Variants in SYN2 observed in about 807,000 individuals in gnomAD.
The protein encoded by SYN2 is synapsin II.
SYN2 carries 19 observed loss-of-function variants against 50.9 expected under a neutral mutation model. The observed-to-expected ratio is 0.37, with a 90% confidence interval of 0.26 to 0.55. The LOEUF (loss-of-function observed/expected upper bound fraction) is 0.55, where lower values mean the gene tolerates loss of function less well. SYN2 is among the 20% of genes least tolerant of loss of function. The probability of loss-of-function intolerance (pLI) is 0.81; values close to 1 mark genes in which losing one functional copy is unlikely to be tolerated. For missense variants in SYN2, 587 were observed against 576.4 expected, an observed-to-expected ratio of 1.02 and a Z score of -0.19; for synonymous variants, 255 against 224.9, an observed-to-expected ratio of 1.13 and a Z score of -1.20.
intron 1 of SYN2, among the ~76,000 whole-genome samples, chr3:12,110,899 T>C (rs946674656): frequency 6.6e-6 from 1 of 152,214 alleles, no homozygotes; most frequent in African/African-American, 2.4e-5. Flanking sequence ...TTTTATAGGC[T>C]CCTAGCCAGA....
Position 12,163,257 on chromosome 3 carries a change from A to G in SYN2, c.980+1103A>G, listed in dbSNP as rs537322533. Reference sequence around the variant, plus strand: ...ACTCTGTCTCAAAAAAAAAAAAAAAAAGAGAAAAAGTTTACAGTGGTGTTT... The same window carrying G: ...ACTCTGTCTCAAAAAAAAAAAAAAAGAGAGAAAAAGTTTACAGTGGTGTTT... On this transcript the variant is annotated intron_variant, in intron 7 of 12. Transcript: ENST00000621198. Among the ~76,000 whole-genome samples the G allele has an allele frequency of 2.0e-3, 302 of 151,552 alleles. 1 individual carries two copies. The highest frequency in any genetic ancestry group is 6.8e-3 in the African/African-American group (283 of 41,328).
intron 1 of SYN2, among the ~76,000 whole-genome samples, chr3:12,016,826 A>T (rs1694037892): frequency 6.6e-6 from 1 of 152,190 alleles, no homozygotes; most frequent in Admixed American, 6.5e-5. Flanking sequence ...ACTGCACTCC[A>T]GCCTGGGTGA....
chr3:12,007,963 T>A (rs2618387), intron 1 of SYN2, among the ~76,000 whole-genome samples: 130,735 of 152,270 alleles, frequency 0.86, 56,255 homozygotes, highest in East Asian at 0.97. Context: ...CCATTAAAAA[T>A]TGAAATCAAG....
intron 1 of SYN2, among the ~76,000 whole-genome samples, chr3:12,100,702 AT>A (rs1264430470): frequency 6.6e-6 from 1 of 152,168 alleles, no homozygotes; most frequent in Non-Finnish European, 1.5e-5. Context: ...ATGGGAAAAA[AT>A]ATTTGCAAAT....
Position 12,181,211 on chromosome 3 carries a change from C to A in SYN2, c.1309-2101C>A, listed in dbSNP as rs1698212593. Among the ~76,000 whole-genome samples the A allele has an allele frequency of 2.6e-5, 4 of 152,200 alleles. No homozygotes were observed. In the South Asian group the frequency reaches 8.3e-4, roughly 31 times the overall value. On this transcript the variant is annotated intron_variant, in intron 10 of 12. Transcript: ENST00000621198. ...CTTCTGTAACCCTCTCTGGGAATAC[C>A]AATTCTCTGGGAGGAGAACATCGTA...
At chr3:12,161,989 T>A (rs1313921211) in intron 6 of SYN2, 23 bp from the exon 7 acceptor site, 9 of 1,613,554 alleles carry the variant, frequency 5.6e-6, no homozygotes, top group Non-Finnish European at 7.6e-6. Context: ...CCTTTCCCCC[T>A]TTCTGCCCTG....
At chr3:12,010,682 C>T (rs1693896259) in intron 1 of SYN2, among the ~76,000 whole-genome samples, 1 of 152,126 alleles carries the variant, frequency 6.6e-6, no homozygotes, top group Non-Finnish European at 1.5e-5. Context: ...TGTATTATTT[C>T]CGTGGTTCAG....
At chr3:12,157,570 T>C in intron 5 of SYN2, 2 of 1,308,450 alleles carry the variant, frequency 1.5e-6, no homozygotes, top group Non-Finnish European at 2.2e-6. Flanking sequence ...CATGAAGAAG[T>C]CTATAGGGCA....
At chr3:12,089,724 C>G (rs529302454) in intron 1 of SYN2, among the ~76,000 whole-genome samples, 27 of 152,130 alleles carry the variant, frequency 1.8e-4, no homozygotes, top group Admixed American at 1.5e-3. Context: ...GTTATAGCAG[C>G]CTCTAGGGAG....
chr3:12,143,140 A>G (rs564710264), intron 3 of SYN2, among the ~76,000 whole-genome samples: 8 of 152,198 alleles, frequency 5.3e-5, no homozygotes, highest in East Asian at 1.9e-4. Flanking sequence ...CAGGGTAGGA[A>G]CTCAGGGGCT....
intron 1 of SYN2, among the ~76,000 whole-genome samples, chr3:12,028,160 A>G (rs1694305834): frequency 6.6e-6 from 1 of 150,404 alleles, no homozygotes; most frequent in Admixed American, 6.7e-5. Flanking sequence ...TTTACTGAGA[A>G]TGATGGTTTC....
intron 1 of SYN2, among the ~76,000 whole-genome samples, chr3:12,058,698 A>G (rs1695051565): frequency 1.3e-5 from 2 of 152,212 alleles, no homozygotes; most frequent in Non-Finnish European, 2.9e-5. Context: ...GAAAGGGAGC[A>G]TGGGTACTAG....
chr3:12,091,946 T>C (rs112591325), intron 1 of SYN2, among the ~76,000 whole-genome samples: 1 of 152,310 alleles, frequency 6.6e-6, no homozygotes, highest in Non-Finnish European at 1.5e-5. Flanking sequence ...CAGAACTACT[T>C]TGGCCAACTG....
intron 10 of SYN2, among the ~76,000 whole-genome samples, chr3:12,176,298 C>T (rs1221496788): frequency 6.6e-6 from 1 of 152,216 alleles, no homozygotes; most frequent in Non-Finnish European, 1.5e-5. Context: ...TGGTCCTCTC[C>T]TTCATGTGGC....
chr3:12,007,976 CTT>C (rs1295674799), intron 1 of SYN2, among the ~76,000 whole-genome samples: 1 of 152,138 alleles, frequency 6.6e-6, no homozygotes, highest in African/African-American at 2.4e-5. Flanking sequence ...AAATCAAGCT[CTT>C]TATATACCTT....
rs1020387077 is a variant in SYN2 at position 12,187,367 on chromosome 3, A to G, written c.1370-2A>G. On this transcript the variant is annotated splice_acceptor_variant, in intron 11 of 12. Coordinates refer to ENST00000621198, the MANE Select transcript of SYN2 (RefSeq NM_133625.6). LOFTEE classifies it high-confidence loss of function. ...ATGAAGTTTTTCTTGTACTGAACCT[A>G]GGGGGCCCTGGGCAACCCCAAGGAA... 1 of 1,538,248 alleles carries G rather than the reference A, an allele frequency of 6.5e-7. No homozygotes were observed. The highest frequency in any genetic ancestry group is 8.8e-7 in the Non-Finnish European group (1 of 1,136,914).
intron 1 of SYN2, among the ~76,000 whole-genome samples, chr3:12,127,537 A>G (rs897249221): frequency 4.6e-5 from 7 of 152,214 alleles, no homozygotes; most frequent in Admixed American, 4.6e-4. Flanking sequence ...TGACTCTTCC[A>G]GAACAGTGCC....
At chr3:12,131,761 T>A (rs891694566) in intron 1 of SYN2, among the ~76,000 whole-genome samples, 4 of 152,334 alleles carry the variant, frequency 2.6e-5, no homozygotes, top group Non-Finnish European at 2.9e-5. Flanking sequence ...AGTGATTTGC[T>A]GTTCCCAACT....
At chr3:12,180,198 C>T (rs1049115185) in intron 10 of SYN2, among the ~76,000 whole-genome samples, 17 of 151,950 alleles carry the variant, frequency 1.1e-4, no homozygotes, top group African/African-American at 2.2e-4. Flanking sequence ...ATCCACGCAC[C>T]TCGGCCTCCC....
Sources: allele counts gnomAD v4.1 joint callset (sites outside exome capture counted in the v4.1 genomes callset), GRCh38; gene constraint gnomAD v4.1.1; transcripts MANE v1.5; gene names NCBI Gene and HGNC (gene_info 2026-07-23, HGNC 2026-07-21).